GSK3B: variants seen among roughly 807,000 people sequenced by gnomAD.
GSK3B encodes the protein glycogen synthase kinase 3 beta.
In GSK3B, 15 loss-of-function variants were observed where a neutral mutation model predicts 56.4. That is an observed-to-expected ratio of 0.27 (90% CI 0.18 to 0.41). GSK3B has a LOEUF of 0.41. Ranked by LOEUF, GSK3B falls within the 10% of genes least tolerant of loss-of-function variation. GSK3B has a pLI of 1.00. For synonymous variants in GSK3B, 181 were observed against 188.9 expected (o/e 0.96, Z 0.34); for missense variants, 300 against 513.4 (o/e 0.58, Z 4.02).
chr3:119,870,613 A>T (rs2056238566), intron 8 of GSK3B, among the ~76,000 whole-genome samples: 1 of 152,174 alleles, frequency 6.6e-6, no homozygotes. Context: ...ATATATAGCC[A>T]GTAGAAATAA....
intron 1 of GSK3B, among the ~76,000 whole-genome samples, chr3:120,056,046 G>A (rs1246049202): frequency 6.6e-6 from 1 of 151,880 alleles, no homozygotes; most frequent in African/African-American, 2.4e-5. Flanking sequence ...TTTTCCAGAG[G>A]GTACACATCA....
chr3:119,960,550 T>A (rs996651559), intron 2 of GSK3B, among the ~76,000 whole-genome samples: 1 of 152,336 alleles, frequency 6.6e-6, no homozygotes, highest in African/African-American at 2.4e-5. Flanking sequence ...TTTTGCAAGA[T>A]GTAATCATTG....
chr3:120,091,353 T>C (rs1315967459), intron 1 of GSK3B, among the ~76,000 whole-genome samples: 3 of 152,138 alleles, frequency 2.0e-5, no homozygotes, highest in Admixed American at 2.0e-4. Flanking sequence ...AACACTAAAC[T>C]CCAACTTTTA....
At chr3:119,984,671 G>A (rs2057497472) in intron 2 of GSK3B, among the ~76,000 whole-genome samples, 1 of 152,170 alleles carries the variant, frequency 6.6e-6, no homozygotes. Flanking sequence ...CCAGGAAGAA[G>A]TTGAATCTCT....
rs186074527 is a variant in GSK3B, at chr3:119,923,516, A to G, written c.367-33T>C. On this transcript the variant is annotated intron_variant, in intron 3 of 10. Transcript: ENST00000264235. ...AGTTTATTTAAAAAAACAAAAAACA[A>G]AACAGATTAGAAACTGGTCTTTAAA... 4.1e-5 allele frequency: 43 copies of G among 1,055,164 alleles called. 1 individual carries two copies. In the East Asian group the frequency reaches 6.0e-4, roughly 15 times the overall value. 65.4% of individuals were successfully genotyped at this position (1,055,164 alleles called of 1,614,324 possible).
chr3:119,879,433 A>G (rs2461827), intron 7 of GSK3B, among the ~76,000 whole-genome samples: 118,566 of 152,030 alleles, frequency 0.78, 46,498 homozygotes, highest in East Asian at 0.91. Flanking sequence ...TACCCACTTC[A>G]GCCTCCCAAA....
intron 4 of GSK3B, among the ~76,000 whole-genome samples, chr3:119,917,009 G>A (rs1034947509): frequency 1.3e-5 from 2 of 152,018 alleles, no homozygotes; most frequent in African/African-American, 4.8e-5. Flanking sequence ...TTATCTCAAG[G>A]TCAGTGTTCT....
intron 1 of GSK3B, among the ~76,000 whole-genome samples, chr3:120,036,001 T>C (rs1035786543): frequency 6.6e-6 from 1 of 152,204 alleles, no homozygotes; most frequent in Non-Finnish European, 1.5e-5. Context: ...GAAACTCTAG[T>C]ACAATGTTAA....
intron 10 of GSK3B, among the ~76,000 whole-genome samples, chr3:119,829,330 G>A (rs2055564234): frequency 6.6e-6 from 1 of 152,092 alleles, no homozygotes; most frequent in Non-Finnish European, 1.5e-5. Context: ...ATGCTCTGAT[G>A]ACACTCAGAA....
intron 5 of GSK3B, among the ~76,000 whole-genome samples, chr3:119,914,752 A>G (rs1404415931): frequency 6.6e-6 from 1 of 152,116 alleles, no homozygotes; most frequent in Non-Finnish European, 1.5e-5. Flanking sequence ...CTCATGACAG[A>G]ACAGATTTAC....
At chr3:119,998,593 A>G (rs1272785354) in intron 2 of GSK3B, among the ~76,000 whole-genome samples, 1 of 152,226 alleles carries the variant, frequency 6.6e-6, no homozygotes, top group Non-Finnish European at 1.5e-5. Context: ...ACAAATGAGT[A>G]AGGAAGACAC....
intron 1 of GSK3B, among the ~76,000 whole-genome samples, chr3:120,006,459 A>G (rs1363854865): frequency 6.6e-6 from 1 of 152,212 alleles, no homozygotes; most frequent in Non-Finnish European, 1.5e-5. Flanking sequence ...AACAGAATAT[A>G]CATTCTTCTC....
At chr3:119,935,515 C>T (rs2056985468) in intron 3 of GSK3B, among the ~76,000 whole-genome samples, 1 of 152,146 alleles carries the variant, frequency 6.6e-6, no homozygotes, top group Admixed American at 6.5e-5. Context: ...ATCTCCACTA[C>T]AATCCCCACT....
At chr3:120,007,915 C>A (rs901793455) in intron 1 of GSK3B, among the ~76,000 whole-genome samples, 4 of 152,138 alleles carry the variant, frequency 2.6e-5, no homozygotes, top group Admixed American at 2.6e-4. Context: ...AAGTTCTGGC[C>A]AGGGCAATCA....
chr3:119,866,740 G>A (rs764119796), intron 8 of GSK3B: 15 of 694,298 alleles, frequency 2.2e-5, no homozygotes, highest in Non-Finnish European at 2.8e-5. Context: ...GGTGTGGGGG[G>A]GGACATAGAA....
chr3:120,051,458 C>T (rs1243114184), intron 1 of GSK3B, among the ~76,000 whole-genome samples: 1 of 152,096 alleles, frequency 6.6e-6, no homozygotes, highest in East Asian at 1.9e-4. Flanking sequence ...TAAAAGTACA[C>T]AATTAATTAT....
At chr3:119,899,493 G>A (rs940584698) in intron 7 of GSK3B, among the ~76,000 whole-genome samples, 1 of 152,084 alleles carries the variant, frequency 6.6e-6, no homozygotes. Context: ...TCACTGAGTG[G>A]CAGCTTTTAT....
intron 4 of GSK3B, among the ~76,000 whole-genome samples, chr3:119,917,776 TTATC>T (rs1000854706): frequency 2.0e-5 from 3 of 152,040 alleles, no homozygotes; most frequent in South Asian, 2.1e-4. Context: ...TTTGAAAAGT[TTATC>T]TAGAAAAGTC....
At chr3:120,023,471 G>A (rs2057896990) in intron 1 of GSK3B, among the ~76,000 whole-genome samples, 2 of 151,672 alleles carry the variant, frequency 1.3e-5, no homozygotes, top group South Asian at 4.2e-4. Flanking sequence ...CATGTGAAGA[G>A]TCCCACAGAA....
Sources: gnomAD v4.1 joint callset for allele counts (sites outside exome capture counted in the v4.1 genomes callset) on GRCh38, gnomAD v4.1.1 for gene constraint, MANE v1.5 for transcripts, NCBI Gene and HGNC (gene_info 2026-07-23, HGNC 2026-07-21) for gene names.